The following ADCY2 variants were observed in gnomAD, a reference collection of about 807,000 sequenced individuals.
The protein encoded by ADCY2 is adenylate cyclase type 2.
In ADCY2, 31 loss-of-function variants were observed where a neutral mutation model predicts 125.2. The observed-to-expected ratio is 0.25, with a 90% CI of 0.19 to 0.33. The LOEUF (loss-of-function observed/expected upper bound fraction) is 0.33. Among genes scored for constraint, ADCY2 ranks in the 10% least tolerant of loss-of-function variants. The pLI is 1.00. For missense variants in ADCY2, 904 were observed against 1,418.2 expected, an observed-to-expected ratio of 0.64 and a Z score of 5.82; for synonymous variants, 512 against 548.4, an observed-to-expected ratio of 0.93 and a Z score of 0.93.
chr5:7,439,975 T>C (rs890524521), intron 2 of ADCY2, among the ~76,000 whole-genome samples: 4 of 152,104 alleles, frequency 2.6e-5, no homozygotes, highest in Admixed American at 2.0e-4. Flanking sequence ...AAACCTGCGA[T>C]TGTTCCAAAG....
intron 4 of ADCY2, among the ~76,000 whole-genome samples, chr5:7,643,666 T>C (rs2126676017): frequency 6.6e-6 from 1 of 152,206 alleles, no homozygotes. Flanking sequence ...TTTGATTTAC[T>C]TCCAAATCTA....
At chr5:7,579,487 C>A (rs890665127) in intron 3 of ADCY2, among the ~76,000 whole-genome samples, 4 of 152,098 alleles carry the variant, frequency 2.6e-5, no homozygotes, top group African/African-American at 9.7e-5. Flanking sequence ...ACACCTGAGA[C>A]TGGCTGTTGA....
At chr5:7,693,912 T>C (rs1013995746) in intron 5 of ADCY2, among the ~76,000 whole-genome samples, 1 of 152,202 alleles carries the variant, frequency 6.6e-6, no homozygotes, top group Non-Finnish European at 1.5e-5. Context: ...CAATACTGCT[T>C]TGAATCAGGG....
chr5:7,578,147 A>G (rs1579592512), intron 3 of ADCY2, among the ~76,000 whole-genome samples: 2 of 152,210 alleles, frequency 1.3e-5, no homozygotes, highest in East Asian at 3.9e-4. Flanking sequence ...CAAAATTTAT[A>G]TGAACATAAT....
At chr5:7,473,153 AG>A (rs1742401226) in intron 2 of ADCY2, among the ~76,000 whole-genome samples, 1 of 152,086 alleles carries the variant, frequency 6.6e-6, no homozygotes, top group African/African-American at 2.4e-5. Flanking sequence ...CCAGGCATAA[AG>A]GGTGTCTAAG....
At chr5:7,680,264 A>C (rs567065579) in intron 4 of ADCY2, among the ~76,000 whole-genome samples, 1 of 152,144 alleles carries the variant, frequency 6.6e-6, no homozygotes, top group Non-Finnish European at 1.5e-5. Flanking sequence ...AGTCTAGTCT[A>C]TGTCTCAGTC....
chr5:7,477,177 CT>C (rs1395672238), intron 2 of ADCY2, among the ~76,000 whole-genome samples: 1 of 133,658 alleles, frequency 7.5e-6, no homozygotes, highest in Admixed American at 8.1e-5. Context: ...CAGAAGGATC[CT>C]TTTGCAGAAA....
At chr5:7,397,261 TCAGTTTTGC>T (rs1227776385) in intron 1 of ADCY2, among the ~76,000 whole-genome samples, 1 of 152,052 alleles carries the variant, frequency 6.6e-6, no homozygotes, top group African/African-American at 2.4e-5. Flanking sequence ...ACAGCTGATG[TCAGTTTTGC>T]CAGTTTATAT....
chr5:7,513,106 C>CACACACACACACATACACACACACAG (rs777343291), intron 2 of ADCY2, among the ~76,000 whole-genome samples: 1 of 138,432 alleles, frequency 7.2e-6, no homozygotes, highest in African/African-American at 2.6e-5. Flanking sequence ...CACACACACA[C>CACACACACACACATACACACACACAG]AGAGAGAGAG....
intron 3 of ADCY2, among the ~76,000 whole-genome samples, chr5:7,571,818 T>A (rs1736074417): frequency 6.6e-6 from 1 of 152,168 alleles, no homozygotes; most frequent in South Asian, 2.1e-4. Context: ...GGCGCCAGTG[T>A]CTATTGTTCC....
chr5:7,723,577 C>T (rs4701794), intron 12 of ADCY2, among the ~76,000 whole-genome samples: 68,126 of 152,010 alleles, frequency 0.45, 16,388 homozygotes, highest in East Asian at 0.94. Context: ...TTTATGTTTG[C>T]ATCAACCTAT....
At chr5:7,654,213 G>A (rs1159107955) in intron 4 of ADCY2, 2 of 452,660 alleles carry the variant, frequency 4.4e-6, no homozygotes, top group Non-Finnish European at 8.8e-6. Context: ...ATGGTGTCTA[G>A]ACAGAGACAG....
intron 3 of ADCY2, among the ~76,000 whole-genome samples, chr5:7,571,897 T>A (rs1736077111): frequency 6.6e-6 from 1 of 152,214 alleles, no homozygotes; most frequent in Non-Finnish European, 1.5e-5. Flanking sequence ...GTATTCAGTT[T>A]TCTGTTTTTG....
intron 4 of ADCY2, among the ~76,000 whole-genome samples, chr5:7,677,840 T>C (rs1740185699): frequency 6.6e-6 from 1 of 152,196 alleles, no homozygotes; most frequent in African/African-American, 2.4e-5. Context: ...GATTGAAATA[T>C]TAATGCTTCC....
chr5:7,517,725 A>G (rs779953117), intron 2 of ADCY2, among the ~76,000 whole-genome samples: 1 of 152,222 alleles, frequency 6.6e-6, no homozygotes, highest in African/African-American at 2.4e-5. Flanking sequence ...TCTATTTTCC[A>G]TTTGGTTATT....
intron 3 of ADCY2, among the ~76,000 whole-genome samples, chr5:7,568,433 T>C (rs1027595900): frequency 2.7e-5 from 4 of 148,962 alleles, no homozygotes; most frequent in Non-Finnish European, 6.0e-5. Flanking sequence ...TTGACAGCCC[T>C]TTTTTTTTTA....
chr5:7,466,202 A>G (rs1043712038), intron 2 of ADCY2, among the ~76,000 whole-genome samples: 1 of 152,136 alleles, frequency 6.6e-6, no homozygotes. Flanking sequence ...GCCATATCTT[A>G]TATATTTTTT....
chr5:7,575,132 C>G (rs1323242998), intron 3 of ADCY2, among the ~76,000 whole-genome samples: 1 of 151,442 alleles, frequency 6.6e-6, no homozygotes, highest in East Asian at 1.9e-4. Flanking sequence ...TTCAGACCAG[C>G]CTGAAAAACA....
intron 3 of ADCY2, among the ~76,000 whole-genome samples, chr5:7,545,451 C>G (rs970869820): frequency 1.3e-5 from 2 of 152,118 alleles, no homozygotes; most frequent in Admixed American, 1.3e-4. Context: ...TTTCACCTTC[C>G]TGTTAATGAA....
Sources: allele counts gnomAD v4.1 joint callset (sites outside exome capture counted in the v4.1 genomes callset), GRCh38; gene constraint gnomAD v4.1.1; transcripts MANE v1.5; gene names NCBI Gene and HGNC (gene_info 2026-07-23, HGNC 2026-07-21).